Variants in FAM186B observed in about 807,000 individuals in gnomAD.
FAM186B encodes family with sequence similarity 186 member B.
A neutral mutation model predicts 83.4 loss-of-function variants in FAM186B; 68 were observed. The ratio of observed to expected loss-of-function variants is 0.81; its 90% CI spans 0.67 to 1.00. The LOEUF (loss-of-function observed/expected upper bound fraction) is 1.00, where lower values mean the gene tolerates loss of function less well. FAM186B is among the 50% of genes least tolerant of loss of function. The probability of loss-of-function intolerance (pLI) is 0.00; values close to 1 mark genes in which losing one functional copy is unlikely to be tolerated. For missense variants in FAM186B, 983 were observed against 1,099.2 expected, an observed-to-expected ratio of 0.89 and a Z score of 1.49; for synonymous variants, 389 against 422.0, an observed-to-expected ratio of 0.92 and a Z score of 0.96.
At chr12:49,608,786 G>A (rs888528925), upstream of FAM186B, among the ~76,000 whole-genome samples, 1 of 151,580 alleles carries the variant, frequency 6.6e-6, no homozygotes, top group Non-Finnish European at 1.5e-5. Flanking sequence ...AGGGCACTTT[G>A]GGAAAGTGCC....
At chr12:49,610,565 C>T (rs543281334), upstream of FAM186B, among the ~76,000 whole-genome samples, 83 of 152,052 alleles carry the variant, frequency 5.5e-4, no homozygotes, top group South Asian at 0.017. Context: ...CCGAGGCGGG[C>T]GGATCATGAG....
At chr12:49,618,013 T>C in the FAM186B span, among the ~76,000 whole-genome samples, 1 of 152,104 alleles carries the variant, frequency 6.6e-6, no homozygotes, top group Non-Finnish European at 1.5e-5. Context: ...AACCTAGGAA[T>C]GCTGACATCA....
intron 6 of FAM186B, 68 bp downstream of exon 6, chr12:49,588,386 G>C: frequency 6.6e-7 from 1 of 1,525,030 alleles, no homozygotes; most frequent in Admixed American, 2.0e-5. Flanking sequence ...ACCTCCCCAG[G>C]CTGGTCACCC....
chr12:49,599,688 T>G lies in FAM186B; in HGVS notation c.1952A>C (p.Gln651Pro). The part of the protein sequence containing the change: ...SIRRLTWPSL[Q>P]ISPANIKKKV... ...CTTCTTAATATTTGCAGGGGATATCTGCAAAGAGGGCCAGGTCAGCCTTCG... is the reference window on the plus strand; with the variant it reads ...CTTCTTAATATTTGCAGGGGATATCGGCAAAGAGGGCCAGGTCAGCCTTCG... The change falls in exon 4 of 7, where the codon CAG becomes CCG. Residue 651 changes from glutamine (Q) to proline (P), a missense_variant. Gln to Pro is a moderately conservative substitution (Grantham distance 76). Transcript: ENST00000257894. 1 of 1,609,284 alleles carries G rather than the reference T, an allele frequency of 6.2e-7. No homozygotes were observed. Among genetic ancestry groups the G allele is most frequent in the Non-Finnish European group, 8.5e-7 (1 of 1,177,740 alleles).
chr12:49,590,604 T>C (rs760949384), intron 5 of FAM186B, among the ~76,000 whole-genome samples: 2 of 150,482 alleles, frequency 1.3e-5, no homozygotes, highest in African/African-American at 2.5e-5. Flanking sequence ...AGTGGGGTGG[T>C]GGGGAGGGGG....
rs1939936377 is a variant in FAM186B, at chr12:49,603,268, GA to G, written c.421del (p.Ser141ProfsTer53). Reference sequence around the variant, plus strand: ...GATGCCTCTTTTGGTGGCAATGAGGGACAGCGGTAACACTTTCTCCGTCACT... The same window carrying G: ...GATGCCTCTTTTGGTGGCAATGAGGGCAGCGGTAACACTTTCTCCGTCACT... ...IEVTEKVLPL[S>X]LIATKRGIES... is the part of the protein sequence containing the mutation. On this transcript the variant is annotated frameshift_variant, in exon 3 of 7. Coordinates refer to ENST00000257894, the MANE Select transcript of FAM186B (RefSeq NM_032130.3). LOFTEE classifies it high-confidence loss of function. 1 of 1,614,098 alleles carries G rather than the reference GA, an allele frequency of 6.2e-7. No individual in the cohort carries two copies. The highest frequency in any genetic ancestry group is 1.3e-5 in the African/African-American group (1 of 74,918).
intron 5 of FAM186B, chr12:49,595,789 C>T (rs1939703730): frequency 1.0e-5 from 2 of 196,492 alleles, no homozygotes; most frequent in Non-Finnish European, 2.1e-5. Context: ...GGAGACCATC[C>T]TGGCTAACAC....
At chr12:49,604,641 T>G in intron 1 of FAM186B, 103 bp from the exon 2 acceptor site, 1 of 813,576 alleles carries the variant, frequency 1.2e-6, no homozygotes, top group Non-Finnish European at 2.0e-6. Flanking sequence ...TCTTTGGGTC[T>G]CAGTTTTCTT....
At position 49,605,412 on chromosome 12, in the gene FAM186B, A is replaced by G; in HGVS notation, c.66T>C (p.Ile22=). 1 of 1,613,744 alleles carries G rather than the reference A, an allele frequency of 6.2e-7. No individual in the cohort carries two copies. The highest frequency in any genetic ancestry group is 8.5e-7 in the Non-Finnish European group (1 of 1,179,894). ...GAGCCCGAGTTAGCTGGGCAGCCTC[A>G]ATCCTCAGGATGATGGCTTTCACTG... ...PTSVKAIILR[I]EAAQLTRAQE... is the part of the protein sequence containing the mutation. The change falls in exon 1 of 7, where the codon ATT becomes ATC. Residue 22 remains isoleucine, a synonymous_variant. Transcript: ENST00000257894.
chr12:49,611,300 G>A, the FAM186B span, among the ~76,000 whole-genome samples: 22 of 152,138 alleles, frequency 1.4e-4, no homozygotes, highest in Admixed American at 3.9e-4. Flanking sequence ...TTGAACCTGG[G>A]AGGCAGAGGT....
the FAM186B span, among the ~76,000 whole-genome samples, chr12:49,615,263 A>C: frequency 2.0e-5 from 3 of 152,200 alleles, no homozygotes. Flanking sequence ...AACCTATTGA[A>C]ATTTTTAAAA....
At chr12:49,608,728 A>G (rs1283009150), upstream of FAM186B, among the ~76,000 whole-genome samples, 1 of 151,818 alleles carries the variant, frequency 6.6e-6, no homozygotes, top group Admixed American at 6.6e-5. Context: ...AAGTGAGTGA[A>G]GCCCCAGTAC....
At chr12:49,596,482 C>A in intron 5 of FAM186B, among the ~76,000 whole-genome samples, 1 of 146,878 alleles carries the variant, frequency 6.8e-6, no homozygotes, top group South Asian at 2.2e-4. Context: ...AACTTGATGT[C>A]TTTAAAAAAA....
rs372553683 is a variant in FAM186B, at chr12:49,599,861, G to A, written c.1779C>T (p.His593=). 21 of 1,608,562 alleles carry A rather than the reference G, an allele frequency of 1.3e-5. No individual in the cohort carries two copies. In the African/African-American group the frequency reaches 2.0e-4, roughly 15 times the overall value. ...TQSAHQSRRP[H]LPMSPSTQQP... The stretch of plus-strand genomic sequence containing the variant: ...GCTGGGTACTAGGAGACATGGGCAA[G>A]TGTGGCCTCCTGCTTTGGTGAGCAG... The change falls in exon 4 of 7, where the codon CAC becomes CAT. Residue 593 remains histidine (H), a synonymous_variant. Transcript: ENST00000257894.
the FAM186B span, among the ~76,000 whole-genome samples, chr12:49,610,693 G>A: frequency 6.6e-6 from 1 of 151,976 alleles, no homozygotes; most frequent in Non-Finnish European, 1.5e-5. Flanking sequence ...AGGAGGCTGA[G>A]GCAGGAGAGT....
chr12:49,601,143 G>C lies in FAM186B; in HGVS notation c.506-9C>G. 6.5e-7 allele frequency: 1 copy of C among 1,529,164 alleles called. No individual in the cohort carries two copies. Among genetic ancestry groups the C allele is most frequent in the Non-Finnish European group, 8.8e-7 (1 of 1,138,540 alleles). The allele number at this position is 1,529,164 out of a possible 1,614,324, so 94.7% of individuals were successfully genotyped here. The stretch of plus-strand genomic sequence containing the variant: ...GAAGGTGCGTTTGGACACTGGGACA[G>C]GTAGAGAGAAAAAAGTCAACGATTT... On this transcript the variant is annotated splice_polypyrimidine_tract_variant and intron_variant, in intron 3 of 6. Coordinates refer to ENST00000257894, the MANE Select transcript of FAM186B (RefSeq NM_032130.3).
chr12:49,619,363 T>C, the FAM186B span: 1 of 401,726 alleles, frequency 2.5e-6, no homozygotes, highest in Non-Finnish European at 4.5e-6. Flanking sequence ...TTTCCCTTCA[T>C]ATGATGAAAA....
chr12:49,599,929 T>C lies in FAM186B; in HGVS notation c.1711A>G (p.Lys571Glu). ...TPTSRWRDLE[K>E]AELSLVPAPS... The stretch of plus-strand genomic sequence containing the variant: ...GCAGGCACTAATGATAGCTCTGCCT[T>C]CTCCAAGTCCCTCCATCGACTGGTG... The change falls in exon 4 of 7, where the codon AAG becomes GAG. Residue 571 changes from lysine (K) to glutamate (E), a missense_variant. Transcript: ENST00000257894. The C allele has an allele frequency of 1.2e-6, 2 of 1,613,804 alleles. No homozygotes were observed. The highest frequency in any genetic ancestry group is 1.7e-6 in the Non-Finnish European group (2 of 1,179,844).
rs752575517 is a variant in FAM186B, at chr12:49,600,547, C to G, written c.1093G>C (p.Glu365Gln). 1.2e-6 allele frequency: 2 copies of G among 1,613,836 alleles called. No individual in the cohort carries two copies. Among genetic ancestry groups the G allele is most frequent in the Non-Finnish European group, 1.7e-6 (2 of 1,179,906 alleles). The change falls in exon 4 of 7, where the codon GAG (glutamate) becomes CAG (glutamine). Residue 365 changes from glutamate to glutamine, a missense_variant. Transcript: ENST00000257894. The surrounding 1 kb of genome is among the most constrained non-coding windows in gnomAD (Gnocchi z 4.3). ...GGGGGAAGTGGCGAGAACAACTGCT[C>G]CTCCTTCATCGGTTCCTGTTGGCTT... ...EESQQEPMKE[E>Q]QLFSPLPPSP...
Sources: gnomAD v4.1 joint callset for allele counts (sites outside exome capture counted in the v4.1 genomes callset) on GRCh38, gnomAD v4.1.1 for gene constraint, Gnocchi (gnomAD v3.1) non-coding constraint, MANE v1.5 for transcripts, NCBI Gene and HGNC (gene_info 2026-07-23, HGNC 2026-07-21) for gene names.